Variants in SSX2IP observed in about 807,000 individuals in gnomAD.
The protein encoded by SSX2IP is SSX family member 2 interacting protein.
A neutral mutation model predicts 84.9 loss-of-function variants in SSX2IP; 55 were observed. That is an observed-to-expected ratio of 0.65 (90% CI 0.52 to 0.81). SSX2IP has a LOEUF of 0.81. Ranked by LOEUF, SSX2IP falls within the 30% of genes least tolerant of loss-of-function variation. The probability of loss-of-function intolerance (pLI) is 0.00; values close to 1 mark genes in which losing one functional copy is unlikely to be tolerated. For synonymous variants in SSX2IP, 239 were observed against 234.7 expected, an observed-to-expected ratio of 1.02 and a Z score of -0.17; for missense variants, 664 against 705.2, an observed-to-expected ratio of 0.94 and a Z score of 0.66.
rs375917613 is a variant in SSX2IP at position 84,650,383 on chromosome 1, C to T, written c.1649G>A (p.Arg550His). 8.7e-5 allele frequency: 140 copies of T among 1,614,036 alleles called. No homozygotes were observed. Among genetic ancestry groups the T allele is most frequent in the Non-Finnish European group, 1.1e-4 (129 of 1,180,032 alleles). Residue 550 changes from arginine to histidine, a missense_variant, in exon 13 of 14, where the codon CGT becomes CAT. Coordinates refer to ENST00000342203, the MANE Select transcript of SSX2IP (RefSeq NM_001166293.2). ...SPSTSDFCQT[R>H]SCISEHSSIN... Reference sequence around the variant, plus strand: ...ATACCTATGTTCAGATATGCAGGAACGTGTCTGGCAAAAGTCTGAAGTGGA... The same window carrying T: ...ATACCTATGTTCAGATATGCAGGAATGTGTCTGGCAAAAGTCTGAAGTGGA...
chr1:84,683,911 T>C (rs1363960004), intron 1 of SSX2IP, among the ~76,000 whole-genome samples: 1 of 152,102 alleles, frequency 6.6e-6, no homozygotes, highest in African/African-American at 2.4e-5. Flanking sequence ...ATCATATTCT[T>C]AGAAGATTAT....
intron 8 of SSX2IP, among the ~76,000 whole-genome samples, chr1:84,661,688 G>T (rs1352607852): frequency 6.6e-6 from 1 of 152,076 alleles, no homozygotes; most frequent in African/African-American, 2.4e-5. Flanking sequence ...GTTAACAGAA[G>T]TTTCACTCTG....
At chr1:84,682,875 A>T (rs1655273696) in intron 1 of SSX2IP, among the ~76,000 whole-genome samples, 2 of 152,138 alleles carry the variant, frequency 1.3e-5, no homozygotes, top group South Asian at 4.1e-4. Context: ...GATTCTACCT[A>T]ATTTTAATAA....
At chr1:84,647,892 G>T (rs1649681901) in intron 13 of SSX2IP, among the ~76,000 whole-genome samples, 1 of 151,900 alleles carries the variant, frequency 6.6e-6, no homozygotes, top group African/African-American at 2.4e-5. Context: ...CAAAAAATTA[G>T]CTGGGAGTAG....
At chr1:84,687,969 G>GT (rs1397582809) in intron 1 of SSX2IP, among the ~76,000 whole-genome samples, 4 of 152,032 alleles carry the variant, frequency 2.6e-5, no homozygotes, top group African/African-American at 9.7e-5. Context: ...TCCTATATTT[G>GT]TTTTTTGTGA....
chr1:84,647,549 C>G lies in SSX2IP; in HGVS notation c.1729G>C (p.Glu577Gln), dbSNP rs1449797913. 3.7e-6 allele frequency: 6 copies of G among 1,612,874 alleles called. No homozygotes were observed. In the Admixed American group the frequency reaches 1.0e-4, roughly 27 times the overall value. ...ACACTCCATTTTTGATTTGTACATT[C>G]TCCTCCAACCTGATTTGGTTTAATT... ...EEIKPNQVGGECTNQKWSVAS... is the reference protein window; with the variant it reads ...EEIKPNQVGGQCTNQKWSVAS... The change falls in exon 14 of 14, where the codon GAA (glutamate) becomes CAA (glutamine). Residue 577 changes from glutamate to glutamine, a missense_variant. Physicochemically the swap from Glu to Gln is conservative, Grantham distance 29 (BLOSUM62 2). Coordinates refer to ENST00000342203, the MANE Select transcript of SSX2IP (RefSeq NM_001166293.2).
chr1:84,670,995 T>C (rs1225031660), intron 2 of SSX2IP, among the ~76,000 whole-genome samples, 180 bp from the exon 3 acceptor site: 1 of 151,982 alleles, frequency 6.6e-6, no homozygotes, highest in Non-Finnish European at 1.5e-5. Flanking sequence ...AATGATATAC[T>C]TTTTTTTCCA....
At position 84,655,964 on chromosome 1, in the gene SSX2IP, T is replaced by C. The variant is rs755614406; in HGVS notation, c.1257A>G (p.Leu419=). ...CTTCCAACAAATAACAGTCTCGTAATAGTGAAGTGGTATCATCATCATATG... is the reference window on the plus strand; with the variant it reads ...CTTCCAACAAATAACAGTCTCGTAACAGTGAAGTGGTATCATCATCATATG... The part of the protein sequence containing the change: ...ATAYDDDTTS[L]LRDCYLLEEK... Residue 419 remains leucine, a synonymous_variant, in exon 11 of 14, where the codon CTA becomes CTG. Transcript: ENST00000342203. 2 of 1,613,662 alleles carry C rather than the reference T, an allele frequency of 1.2e-6. No homozygotes were observed. The highest frequency in any genetic ancestry group is 2.2e-5 in the East Asian group (1 of 44,870).
chr1:84,648,145 C>T (rs2102123442), intron 13 of SSX2IP, among the ~76,000 whole-genome samples: 1 of 152,138 alleles, frequency 6.6e-6, no homozygotes, highest in African/African-American at 2.4e-5. Flanking sequence ...TACAAATACT[C>T]CTAATTATTT....
chr1:84,650,296 T>C, intron 13 of SSX2IP, 66 bp downstream of exon 13: 1 of 1,514,874 alleles, frequency 6.6e-7, no homozygotes, highest in South Asian at 1.1e-5. Context: ...CATGCCACCT[T>C]TCCCTTAGCA....
At chr1:84,684,723 TACC>T (rs1435848407) in intron 1 of SSX2IP, among the ~76,000 whole-genome samples, 2 of 152,108 alleles carry the variant, frequency 1.3e-5, no homozygotes, top group Admixed American at 6.5e-5. Flanking sequence ...ACAACCCATA[TACC>T]ACCAACAGGA....
intron 1 of SSX2IP, among the ~76,000 whole-genome samples, chr1:84,681,722 G>A (rs556016065): frequency 6.6e-6 from 1 of 152,320 alleles, no homozygotes; most frequent in Admixed American, 6.5e-5. Flanking sequence ...CCCTGTCCTT[G>A]AGTGGAAATC....
intron 11 of SSX2IP, among the ~76,000 whole-genome samples, chr1:84,653,902 T>G (rs944270723): frequency 6.6e-6 from 1 of 152,054 alleles, no homozygotes; most frequent in African/African-American, 2.4e-5. Flanking sequence ...TAAAATACCA[T>G]CATGCTATAT....
chr1:84,650,279 C>T, intron 13 of SSX2IP, 83 bp downstream of exon 13: 1 of 1,376,210 alleles, frequency 7.3e-7, no homozygotes, highest in Non-Finnish European at 1.0e-6. Flanking sequence ...GTTGCTAATA[C>T]TACAGACATG....
chr1:84,646,007 G>C lies in SSX2IP; in HGVS notation c.*1426C>G, dbSNP rs1426257672. 1 of 152,168 alleles carries C rather than the reference G, an allele frequency of 6.6e-6. No individual in the cohort carries two copies. Among genetic ancestry groups the C allele is most frequent in the Admixed American group, 6.5e-5 (1 of 15,274 alleles). The allele number at this position is 152,168 out of a possible 1,614,324, so 9.4% of individuals were successfully genotyped here. A position where few individuals can be genotyped will look rare whatever the true frequency, so the allele number is the denominator to read the frequency against. ...CCAAAGAGTTACATAGTTACGTATA[G>C]TGAATGGACAACACAAATAGGTGGG... On this transcript the variant is annotated 3_prime_UTR_variant, in exon 14 of 14. Coordinates refer to ENST00000342203, the MANE Select transcript of SSX2IP (RefSeq NM_001166293.2).
intron 1 of SSX2IP, among the ~76,000 whole-genome samples, chr1:84,683,810 A>G (rs1655414840): frequency 6.6e-6 from 1 of 152,230 alleles, no homozygotes; most frequent in Non-Finnish European, 1.5e-5. Flanking sequence ...AGAAGGAGAA[A>G]GGTGATTCAG....
intron 13 of SSX2IP, among the ~76,000 whole-genome samples, chr1:84,648,048 G>A (rs189237590): frequency 2.0e-5 from 3 of 152,218 alleles, no homozygotes; most frequent in African/African-American, 7.2e-5. Flanking sequence ...TTACGCACAA[G>A]TCTCCTTGCC....
intron 6 of SSX2IP, among the ~76,000 whole-genome samples, chr1:84,663,874 C>CAAATATGAAATAA (rs1652388690): frequency 6.6e-6 from 1 of 152,038 alleles, no homozygotes; most frequent in South Asian, 2.1e-4. Context: ...TGAAATTATC[C>CAAATATGAAATAA]ACATATTTGG....
At chr1:84,655,468 T>C in intron 11 of SSX2IP, 1 of 1,299,496 alleles carries the variant, frequency 7.7e-7, no homozygotes, top group Non-Finnish European at 1.0e-6. Flanking sequence ...TACTTCCTTT[T>C]TAAACAGCAA....
Sources: allele counts gnomAD v4.1 joint callset (sites outside exome capture counted in the v4.1 genomes callset), GRCh38; gene constraint gnomAD v4.1.1; transcripts MANE v1.5; gene names NCBI Gene and HGNC (gene_info 2026-07-23, HGNC 2026-07-21).